KCTD16: variants seen among roughly 807,000 people sequenced by gnomAD.
KCTD16 encodes potassium channel tetramerization domain containing 16, also known as BTB/POZ domain-containing protein KCTD16.
A neutral mutation model predicts 33.2 loss-of-function variants in KCTD16; 13 were observed. The observed-to-expected ratio is 0.39, with a 90% CI of 0.25 to 0.62. The LOEUF (loss-of-function observed/expected upper bound fraction) is 0.62, where lower values mean the gene tolerates loss of function less well. KCTD16 is among the 20% of genes least tolerant of loss of function. KCTD16 has a pLI of 0.50. For missense variants in KCTD16, 441 were observed against 525.1 expected, an observed-to-expected ratio of 0.84 and a Z score of 1.57; for synonymous variants, 197 against 195.3, an observed-to-expected ratio of 1.01 and a Z score of -0.07.
At chr5:144,240,894 T>C (rs1445498416) in intron 3 of KCTD16, among the ~76,000 whole-genome samples, 1 of 152,164 alleles carries the variant, frequency 6.6e-6, no homozygotes, top group Non-Finnish European at 1.5e-5. Flanking sequence ...TGACAATGTA[T>C]GGTTTTGAAA....
intron 3 of KCTD16, among the ~76,000 whole-genome samples, chr5:144,462,430 C>G (rs1433579577): frequency 1.1e-4 from 17 of 151,932 alleles, no homozygotes; most frequent in Non-Finnish European, 1.5e-5. Context: ...CTTAGGAATT[C>G]TCTTTGCCAT....
At chr5:144,304,194 A>G (rs1751524865) in intron 3 of KCTD16, among the ~76,000 whole-genome samples, 1 of 152,224 alleles carries the variant, frequency 6.6e-6, no homozygotes, top group African/African-American at 2.4e-5. Context: ...AGAATAAAAA[A>G]AGACCAGGGT....
At chr5:144,299,992 A>G (rs2126869756) in intron 3 of KCTD16, among the ~76,000 whole-genome samples, 1 of 152,092 alleles carries the variant, frequency 6.6e-6, no homozygotes, top group African/African-American at 2.4e-5. Context: ...AATCATTTAT[A>G]GCTGTCTATC....
At chr5:144,202,919 A>G (rs1260026634) in intron 2 of KCTD16, among the ~76,000 whole-genome samples, 2 of 152,192 alleles carry the variant, frequency 1.3e-5, no homozygotes, top group Non-Finnish European at 2.9e-5. Context: ...AAGAAGTTTC[A>G]TAGTCAAAAT....
chr5:144,205,446 G>A, intron 2 of KCTD16: 2 of 398,638 alleles, frequency 5.0e-6, no homozygotes, highest in Non-Finnish European at 8.8e-6. Flanking sequence ...AGAGAAGCCG[G>A]AGCCCCGGGC....
chr5:144,376,371 G>A (rs1032241182), intron 3 of KCTD16, among the ~76,000 whole-genome samples: 3 of 152,108 alleles, frequency 2.0e-5, no homozygotes, highest in African/African-American at 7.2e-5. Context: ...TACAATCTCG[G>A]TAGTTGGTCT....
At chr5:144,410,090 C>T (rs529626771) in intron 3 of KCTD16, among the ~76,000 whole-genome samples, 4 of 152,168 alleles carry the variant, frequency 2.6e-5, no homozygotes, top group Non-Finnish European at 4.4e-5. Context: ...GCATGACTTG[C>T]TTCAGTAACT....
At chr5:144,234,546 A>G (rs1754196796) in intron 3 of KCTD16, among the ~76,000 whole-genome samples, 1 of 152,064 alleles carries the variant, frequency 6.6e-6, no homozygotes, top group East Asian at 1.9e-4. Flanking sequence ...CAAGCCCTGG[A>G]CTTGAAATTT....
chr5:144,356,064 G>A (rs1262878942), intron 3 of KCTD16, among the ~76,000 whole-genome samples: 1 of 152,080 alleles, frequency 6.6e-6, no homozygotes, highest in African/African-American at 2.4e-5. Flanking sequence ...ATATGTGATT[G>A]TCTTATTCCT....
At chr5:144,263,709 C>T (rs565614880) in intron 3 of KCTD16, among the ~76,000 whole-genome samples, 231 of 152,220 alleles carry the variant, frequency 1.5e-3, no homozygotes, top group African/African-American at 5.4e-3. Flanking sequence ...TAGTTCAGAC[C>T]AATTATTCCA....
At chr5:144,272,854 T>C (rs866751088) in intron 3 of KCTD16, among the ~76,000 whole-genome samples, 1 of 152,146 alleles carries the variant, frequency 6.6e-6, no homozygotes, top group Middle Eastern at 3.4e-3. Flanking sequence ...GATCTAAATG[T>C]AAGACCCAAA....
At chr5:144,231,039 C>T (rs963727860) in intron 3 of KCTD16, among the ~76,000 whole-genome samples, 2 of 152,180 alleles carry the variant, frequency 1.3e-5, no homozygotes, top group South Asian at 2.1e-4. Context: ...CCTTATGTGA[C>T]GTGCTGAACT....
At chr5:144,382,471 C>T (rs187858240) in intron 3 of KCTD16, among the ~76,000 whole-genome samples, 3 of 152,228 alleles carry the variant, frequency 2.0e-5, no homozygotes, top group Admixed American at 6.5e-5. Flanking sequence ...GGATTCTATG[C>T]CCCTCGCCTC....
chr5:144,230,114 C>T (rs1754056235), intron 3 of KCTD16, among the ~76,000 whole-genome samples: 1 of 152,164 alleles, frequency 6.6e-6, no homozygotes, highest in African/African-American at 2.4e-5. Flanking sequence ...TGTACTTCAG[C>T]CTGGGTGACA....
rs923245362 is a variant in KCTD16, at chr5:144,206,458, G to A, written c.-257G>A. The A allele has an allele frequency of 1.5e-5, 6 of 406,432 alleles. No homozygotes were observed. The highest frequency in any genetic ancestry group is 8.0e-5 in the African/African-American group (4 of 49,712). The allele number at this position is 406,432 out of a possible 1,614,324, so 25.2% of individuals were successfully genotyped here. On this transcript the variant is annotated 5_prime_UTR_variant, in exon 3 of 4. Coordinates refer to ENST00000512467, the MANE Select transcript of KCTD16 (RefSeq NM_020768.4). Reference sequence around the variant, plus strand: ...GCTTGATGGAAGATTGGATATAGACGAGTTGATTATATTTTATGAAGTAGC... The same window carrying A: ...GCTTGATGGAAGATTGGATATAGACAAGTTGATTATATTTTATGAAGTAGC...
chr5:144,377,052 AG>A (rs1441823981), intron 3 of KCTD16, among the ~76,000 whole-genome samples: 1 of 152,146 alleles, frequency 6.6e-6, no homozygotes, highest in Non-Finnish European at 1.5e-5. Context: ...GTGGTGTTTT[AG>A]GGATTGTTTC....
intron 3 of KCTD16, among the ~76,000 whole-genome samples, chr5:144,296,599 T>C (rs986419201): frequency 1.3e-5 from 2 of 152,190 alleles, no homozygotes; most frequent in Non-Finnish European, 2.9e-5. Flanking sequence ...TTTGGAGAAC[T>C]TCACTGTATT....
chr5:144,422,909 T>C (rs1175683658), intron 3 of KCTD16, among the ~76,000 whole-genome samples: 1 of 152,146 alleles, frequency 6.6e-6, no homozygotes, highest in African/African-American at 2.4e-5. Flanking sequence ...AAGTGTTTAG[T>C]GAGCATCTAC....
intron 3 of KCTD16, among the ~76,000 whole-genome samples, chr5:144,221,007 A>T (rs1486048349): frequency 1.3e-5 from 2 of 152,120 alleles, no homozygotes; most frequent in African/African-American, 2.4e-5. Flanking sequence ...ACCTTGAGAA[A>T]GAGGTTAAGA....
Sources: allele counts gnomAD v4.1 joint callset (sites outside exome capture counted in the v4.1 genomes callset), GRCh38; gene constraint gnomAD v4.1.1; transcripts MANE v1.5; gene names NCBI Gene and HGNC (gene_info 2026-07-23, HGNC 2026-07-21).